Variants in UBE2L3 observed in about 807,000 individuals in gnomAD.
The protein encoded by UBE2L3 is ubiquitin-conjugating enzyme E2 L3.
In UBE2L3, 1 loss-of-function variant was observed where a neutral mutation model predicts 17.8. The observed-to-expected ratio is 0.06, with a 90% confidence interval of 0.02 to 0.27. UBE2L3 has a LOEUF of 0.27. UBE2L3 is among the 10% of genes least tolerant of loss of function. UBE2L3 has a pLI of 1.00. For missense variants in UBE2L3, 40 were observed against 192.6 expected, an observed-to-expected ratio of 0.21 and a Z score of 4.69; for synonymous variants, 44 against 68.5, an observed-to-expected ratio of 0.64 and a Z score of 1.76.
At chr22:21,567,177 C>T (rs1158177163), upstream of UBE2L3, among the ~76,000 whole-genome samples, 1 of 150,446 alleles carries the variant, frequency 6.6e-6, no homozygotes, top group Non-Finnish European at 1.5e-5. Context: ...TTTTTTTTTT[C>T]CCCCAAGACG....
chr22:21,582,165 C>G (rs1168747549), intron 1 of UBE2L3, among the ~76,000 whole-genome samples: 1 of 149,986 alleles, frequency 6.7e-6, no homozygotes, highest in Non-Finnish European at 1.5e-5. Context: ...CAGTTCAGAA[C>G]AACGTCTGGG....
chr22:21,600,563 G>T (rs954773160), intron 2 of UBE2L3, among the ~76,000 whole-genome samples: 1 of 152,062 alleles, frequency 6.6e-6, no homozygotes, highest in African/African-American at 2.4e-5. Context: ...GGGCGTGGTG[G>T]CAGGCATCTG....
At chr22:21,587,161 C>G (rs947707820) in intron 1 of UBE2L3, among the ~76,000 whole-genome samples, 1 of 151,954 alleles carries the variant, frequency 6.6e-6, no homozygotes, top group Non-Finnish European at 1.5e-5. Flanking sequence ...GCTGGGATTA[C>G]AGGCATGAAC....
intron 1 of UBE2L3, among the ~76,000 whole-genome samples, chr22:21,580,669 C>G (rs545475942): frequency 6.6e-6 from 1 of 152,006 alleles, no homozygotes; most frequent in African/African-American, 2.4e-5. Context: ...TCAGGCTGGT[C>G]TCGAACTCCT....
chr22:21,579,089 C>G lies in UBE2L3; in HGVS notation c.27+11318C>G, dbSNP rs1927484397. On this transcript the variant is annotated intron_variant, in intron 1 of 3. Transcript: ENST00000342192. ...CACTGCAACCTCTGCCTACCAGGTT[C>G]ACGCAATTCTCCTGCCTCAGCCTCC... Among the ~76,000 whole-genome samples, 4 of 152,070 alleles carry G rather than the reference C, an allele frequency of 2.6e-5. No homozygotes were observed. The South Asian group carries it at 8.3e-4, about 32-fold the overall frequency.
chr22:21,602,179 G>A (rs1316787343), intron 2 of UBE2L3, among the ~76,000 whole-genome samples: 1 of 152,120 alleles, frequency 6.6e-6, no homozygotes, highest in Non-Finnish European at 1.5e-5. Context: ...TGCTGCTGTG[G>A]AGTCGCCACC....
At chr22:21,567,584 C>G, upstream of UBE2L3, 18 of 1,455,184 alleles carry the variant, frequency 1.2e-5, no homozygotes, top group Non-Finnish European at 1.6e-5. Flanking sequence ...CACTTGCGTT[C>G]CTCCACGCGC....
chr22:21,592,267 C>G (rs1928305850), intron 1 of UBE2L3, among the ~76,000 whole-genome samples: 1 of 152,072 alleles, frequency 6.6e-6, no homozygotes, highest in Non-Finnish European at 1.5e-5. Flanking sequence ...GTCCCCACCC[C>G]CCCACTCCCA....
intron 2 of UBE2L3, among the ~76,000 whole-genome samples, chr22:21,606,715 G>A (rs1929195044): frequency 6.6e-6 from 1 of 152,162 alleles, no homozygotes; most frequent in African/African-American, 2.4e-5. Flanking sequence ...TGAGTGTGGT[G>A]GCATATGCCT....
At chr22:21,616,658 C>CAA (rs941408810) in intron 3 of UBE2L3, among the ~76,000 whole-genome samples, 5 of 92,832 alleles carry the variant, frequency 5.4e-5, no homozygotes, top group Admixed American at 1.2e-4. Context: ...ACTCCATCTC[C>CAA]AAAAAAAAAA....
intron 2 of UBE2L3, among the ~76,000 whole-genome samples, chr22:21,598,369 T>C (rs951400218): frequency 7.2e-5 from 11 of 152,096 alleles, no homozygotes; most frequent in African/African-American, 2.7e-4. Flanking sequence ...TTTTGCTGCA[T>C]AACTTAAGTT....
chr22:21,614,440 A>G (rs1329254193), intron 3 of UBE2L3: 3 of 526,818 alleles, frequency 5.7e-6, no homozygotes, highest in Non-Finnish European at 9.9e-6. Flanking sequence ...AAAAAAAAAA[A>G]GAAAGAAAGA....
At chr22:21,557,528 CT>C (rs57916361) in intron 1 of UBE2L3, among the ~76,000 whole-genome samples, 9,765 of 148,324 alleles carry the variant, frequency 0.066, 628 homozygotes, top group African/African-American at 0.23. Flanking sequence ...CAGATCTACT[CT>C]TTTTTTTTTT....
rs78676274 is a variant in UBE2L3 at position 21,602,888 on chromosome 22, C to T, written c.124-7969C>T. On this transcript the variant is annotated intron_variant, in intron 2 of 3. Transcript: ENST00000342192. Reference sequence around the variant, plus strand: ...CCTGCAGATGTGGGGGGTTGTGTTCCGGGACAGGAAGGCTGAGTTTAGGGG... The same window carrying T: ...CCTGCAGATGTGGGGGGTTGTGTTCTGGGACAGGAAGGCTGAGTTTAGGGG... Among the ~76,000 whole-genome samples, 624 of 152,252 alleles carry T rather than the reference C, an allele frequency of 4.1e-3. 5 individuals carry two copies. The highest frequency in any genetic ancestry group is 0.014 in the African/African-American group (589 of 41,538).
chr22:21,601,354 C>T (rs1252935828), intron 2 of UBE2L3, among the ~76,000 whole-genome samples: 7 of 151,538 alleles, frequency 4.6e-5, no homozygotes, highest in African/African-American at 1.7e-4. Flanking sequence ...CTCTCGTCCC[C>T]CAGGCTGGAG....
intron 2 of UBE2L3, among the ~76,000 whole-genome samples, chr22:21,602,087 G>A (rs1357367536): frequency 2.6e-5 from 4 of 152,068 alleles, no homozygotes; most frequent in African/African-American, 7.2e-5. Context: ...CACAGGGCTG[G>A]TCTCAGTAGA....
upstream of UBE2L3, among the ~76,000 whole-genome samples, chr22:21,565,089 A>C (rs1398398409): frequency 6.6e-6 from 1 of 151,664 alleles, no homozygotes; most frequent in Non-Finnish European, 1.5e-5. Context: ...CAGGATATAT[A>C]TATCTATATA....
At chr22:21,572,421 T>C (rs1310232809) in intron 1 of UBE2L3, among the ~76,000 whole-genome samples, 1 of 8,536 alleles carries the variant, frequency 1.2e-4, no homozygotes, top group Non-Finnish European at 2.7e-4. Context: ...AGACTCCGTC[T>C]CAAAAAAAAA....
intron 1 of UBE2L3, among the ~76,000 whole-genome samples, chr22:21,558,866 G>A (rs917370834): frequency 4.0e-5 from 6 of 151,896 alleles, no homozygotes; most frequent in Non-Finnish European, 2.9e-5. Context: ...ACAGTGCCTG[G>A]CACATGATAG....
Sources: allele counts gnomAD v4.1 joint callset (sites outside exome capture counted in the v4.1 genomes callset), GRCh38; gene constraint gnomAD v4.1.1; transcripts MANE v1.5; gene names NCBI Gene and HGNC (gene_info 2026-07-23, HGNC 2026-07-21).